DEUP1: variants seen among roughly 807,000 people sequenced by gnomAD.
DEUP1 encodes coiled-coil domain containing 67.
DEUP1 carries 82 observed loss-of-function variants against 87.4 expected under a neutral mutation model. The ratio of observed to expected loss-of-function variants is 0.94; its 90% CI spans 0.78 to 1.13. The LOEUF (loss-of-function observed/expected upper bound fraction) is 1.13. Ranked by LOEUF, DEUP1 falls within the 50% of genes most tolerant of loss-of-function variation. The probability of loss-of-function intolerance (pLI) is 0.00; values close to 1 mark genes in which losing one functional copy is unlikely to be tolerated. For missense variants in DEUP1, 663 were observed against 681.5 expected (o/e 0.97, Z 0.30); for synonymous variants, 214 against 222.7 (o/e 0.96, Z 0.35).
At position 93,357,014 on chromosome 11, in the gene DEUP1, G is replaced by A. The variant is rs752670885; in HGVS notation, c.268G>A (p.Glu90Lys). 6.3e-7 allele frequency: 1 copy of A among 1,596,366 alleles called. No individual in the cohort carries two copies. Residue 90 changes from glutamate to lysine, a missense_variant, in exon 4 of 14, where the codon GAA becomes AAA. Transcript: ENST00000298050. ...KCNLAMTQNY[E>K]GQLQSLKAQF... is the part of the protein sequence containing the mutation. ...TAATTTAGCAATGACTCAGAATTAT[G>A]AAGGACAACTACAAAGCCTAAAGGC... is the stretch of plus-strand genomic sequence containing the variant.
rs535213863 is a variant in DEUP1, at chr11:93,367,604, T to C, written c.433-2469T>C. 1.3e-3 allele frequency among the ~76,000 whole-genome samples: 197 copies of C among 152,362 alleles called. 1 individual carries two copies. The highest frequency in any genetic ancestry group is 4.5e-3 in the African/African-American group (189 of 41,592). On this transcript the variant is annotated intron_variant, in intron 5 of 13. Coordinates refer to ENST00000298050, the MANE Select transcript of DEUP1 (RefSeq NM_181645.4). Reference sequence around the variant, plus strand: ...AGTTCCCTACTTTATTATATATTCCTTGATTTTTTCTTTCAAAAATTTTTT... The same window carrying C: ...AGTTCCCTACTTTATTATATATTCCCTGATTTTTTCTTTCAAAAATTTTTT...
At chr11:93,344,144 AACAG>A (rs989306835) in intron 2 of DEUP1, among the ~76,000 whole-genome samples, 1 of 152,184 alleles carries the variant, frequency 6.6e-6, no homozygotes, top group African/African-American at 2.4e-5. Context: ...AGTGTTTTAG[AACAG>A]ACAGTTGACT....
rs970852109 is a variant in DEUP1, at chr11:93,438,263, A to G, written c.*544A>G. 1 of 152,296 alleles carries G rather than the reference A, an allele frequency of 6.6e-6. No homozygotes were observed. The highest frequency in any genetic ancestry group is 2.4e-5 in the African/African-American group (1 of 41,452). 9.4% of individuals were successfully genotyped at this position (152,296 alleles called of 1,614,324 possible). A position where few individuals can be genotyped will look rare whatever the true frequency, so the allele number is the denominator to read the frequency against. On this transcript the variant is annotated 3_prime_UTR_variant, in exon 14 of 14. Transcript: ENST00000298050. ...TTATTGTTTTTACATTCACCTTTAT[A>G]ATGTCTGTCTGTTTCAACACAATGA...
At chr11:93,427,583 A>C (rs1258504352) in intron 13 of DEUP1, among the ~76,000 whole-genome samples, 1 of 151,310 alleles carries the variant, frequency 6.6e-6, no homozygotes, top group Non-Finnish European at 1.5e-5. Flanking sequence ...TTCATGTCTA[A>C]AACACCAAAA....
At chr11:93,370,047 A>G (rs750114884) in intron 5 of DEUP1, 26 bp from the exon 6 acceptor site, 3 of 1,169,622 alleles carry the variant, frequency 2.6e-6, no homozygotes, top group Non-Finnish European at 2.5e-6. Context: ...ATTTTTAAAT[A>G]TGTTTGTCTC....
chr11:93,404,353 A>G (rs1268908220), intron 11 of DEUP1, among the ~76,000 whole-genome samples: 5 of 151,988 alleles, frequency 3.3e-5, no homozygotes, highest in Admixed American at 3.3e-4. Context: ...TTTTTCTTTT[A>G]TTTAAGAAAG....
At chr11:93,418,714 T>G (rs1431768932) in intron 13 of DEUP1, among the ~76,000 whole-genome samples, 13 of 152,000 alleles carry the variant, frequency 8.6e-5, no homozygotes, top group Admixed American at 7.2e-4. Context: ...ATCATGCTGC[T>G]ATAAAGACAC....
At chr11:93,428,490 A>C (rs1201728944) in intron 13 of DEUP1, among the ~76,000 whole-genome samples, 5 of 152,072 alleles carry the variant, frequency 3.3e-5, no homozygotes, top group African/African-American at 1.2e-4. Context: ...GATATACCTA[A>C]TGCTAAATGA....
intron 13 of DEUP1, among the ~76,000 whole-genome samples, chr11:93,420,394 G>T (rs181684222): frequency 6.7e-4 from 102 of 152,296 alleles, no homozygotes; most frequent in Middle Eastern, 3.4e-3. Flanking sequence ...AATAAATTAG[G>T]TATTCATGGG....
intron 7 of DEUP1, among the ~76,000 whole-genome samples, chr11:93,378,550 T>C (rs759701120): frequency 1.6e-4 from 24 of 152,156 alleles, no homozygotes; most frequent in Non-Finnish European, 3.4e-4. Context: ...GGTTAATAAT[T>C]GACCTTCTGA....
At chr11:93,412,581 T>C (rs979638110) in intron 12 of DEUP1, among the ~76,000 whole-genome samples, 3 of 152,170 alleles carry the variant, frequency 2.0e-5, no homozygotes. Flanking sequence ...CCATAAAACT[T>C]TATCTGTACA....
intron 12 of DEUP1, among the ~76,000 whole-genome samples, chr11:93,414,355 T>C (rs1210958119): frequency 1.3e-5 from 2 of 151,896 alleles, no homozygotes; most frequent in East Asian, 1.9e-4. Context: ...CTACTAAAAA[T>C]ACAGAAAATT....
At chr11:93,334,758 T>G (rs149172575) in intron 2 of DEUP1, among the ~76,000 whole-genome samples, 32 of 152,340 alleles carry the variant, frequency 2.1e-4, no homozygotes, top group Non-Finnish European at 4.0e-4. Context: ...TATAGGTGTT[T>G]GTATTTGTGC....
At chr11:93,331,545 G>T (rs535468378) in intron 1 of DEUP1, among the ~76,000 whole-genome samples, 2 of 152,204 alleles carry the variant, frequency 1.3e-5, no homozygotes, top group South Asian at 4.1e-4. Flanking sequence ...GCCAAAGAAA[G>T]AATGTACTCA....
intron 13 of DEUP1, among the ~76,000 whole-genome samples, chr11:93,415,361 G>A (rs1371870953): frequency 6.6e-6 from 1 of 152,102 alleles, no homozygotes; most frequent in Non-Finnish European, 1.5e-5. Context: ...AATTACTGGA[G>A]ATGGTGTTTT....
chr11:93,394,711 A>T (rs764670454), intron 10 of DEUP1, 55 bp downstream of exon 10: 8 of 1,180,536 alleles, frequency 6.8e-6, no homozygotes, highest in Non-Finnish European at 9.6e-6. Flanking sequence ...CTCAGTGCCA[A>T]TAGTAGCCTT....
chr11:93,418,765 A>G (rs1290441904), intron 13 of DEUP1, among the ~76,000 whole-genome samples: 3 of 152,006 alleles, frequency 2.0e-5, no homozygotes, highest in Non-Finnish European at 4.4e-5. Context: ...CACAATAGCA[A>G]AGACTTGGAA....
intron 6 of DEUP1, 147 bp from the exon 7 acceptor site, chr11:93,370,891 T>A: frequency 1.4e-6 from 1 of 705,530 alleles, no homozygotes; most frequent in Non-Finnish European, 2.3e-6. Flanking sequence ...AAAACAAATA[T>A]AAGACTGAAT....
intron 13 of DEUP1, among the ~76,000 whole-genome samples, chr11:93,431,834 G>A (rs1042509414): frequency 1.3e-5 from 2 of 152,162 alleles, no homozygotes; most frequent in Non-Finnish European, 2.9e-5. Flanking sequence ...TGACTCCTAG[G>A]ATTTCAACCT....
Sources: allele counts gnomAD v4.1 joint callset (sites outside exome capture counted in the v4.1 genomes callset), GRCh38; gene constraint gnomAD v4.1.1; transcripts MANE v1.5; gene names NCBI Gene and HGNC (gene_info 2026-07-23, HGNC 2026-07-21).